Variants in PSD3 observed in about 807,000 individuals in gnomAD.
PSD3 encodes PH and SEC7 domain-containing protein 3.
PSD3 carries 49 observed loss-of-function variants against 105.5 expected under a neutral mutation model. The ratio of observed to expected loss-of-function variants is 0.46; its 90% CI spans 0.37 to 0.59. The LOEUF (loss-of-function observed/expected upper bound fraction) is 0.59. PSD3 is among the 20% of genes least tolerant of loss of function. The pLI, the probability that PSD3 is intolerant of heterozygous loss-of-function variation, is 0.00. For synonymous variants in PSD3, 557 were observed against 457.8 expected, an observed-to-expected ratio of 1.22 and a Z score of -2.77; for missense variants, 1,561 against 1,263.8, an observed-to-expected ratio of 1.24 and a Z score of -3.57.
At chr8:18,848,704 AG>A (rs1815319072) in intron 4 of PSD3, among the ~76,000 whole-genome samples, 1 of 152,194 alleles carries the variant, frequency 6.6e-6, no homozygotes, top group Admixed American at 6.5e-5. Flanking sequence ...TCTCCTTTAA[AG>A]AAAGAAATTA....
intron 1 of PSD3, among the ~76,000 whole-genome samples, chr8:18,967,520 C>G (rs1824351147): frequency 6.6e-6 from 1 of 152,138 alleles, no homozygotes; most frequent in African/African-American, 2.4e-5. Flanking sequence ...AACATCAAAG[C>G]TACCTATTGA....
At chr8:19,076,110 A>AG (rs61172175) in intron 1 of PSD3, among the ~76,000 whole-genome samples, 2 of 151,866 alleles carry the variant, frequency 1.3e-5, no homozygotes, top group African/African-American at 2.4e-5. Flanking sequence ...CTCAATAAAA[A>AG]TACGGTGGAA....
At chr8:18,920,500 T>C (rs1820938564) in intron 2 of PSD3, among the ~76,000 whole-genome samples, 1 of 152,230 alleles carries the variant, frequency 6.6e-6, no homozygotes, top group Non-Finnish European at 1.5e-5. Context: ...TTGGATGTGA[T>C]ACTTTGAAAT....
At chr8:18,742,461 T>C (rs941951503) in intron 9 of PSD3, among the ~76,000 whole-genome samples, 1 of 152,126 alleles carries the variant, frequency 6.6e-6, no homozygotes, top group Non-Finnish European at 1.5e-5. Flanking sequence ...TTTATAATCG[T>C]GAAACAAACT....
intron 2 of PSD3, among the ~76,000 whole-genome samples, chr8:18,874,656 T>C (rs925917471): frequency 6.9e-6 from 1 of 145,854 alleles, no homozygotes; most frequent in African/African-American, 2.6e-5. Flanking sequence ...TGAGCCGAGA[T>C]TGCACCATTG....
chr8:18,912,542 T>C (rs752981814), intron 2 of PSD3, among the ~76,000 whole-genome samples: 13 of 152,312 alleles, frequency 8.5e-5, no homozygotes, highest in Non-Finnish European at 1.9e-4. Context: ...TTTAATTAGG[T>C]GAAAATCTAA....
chr8:18,565,016 T>G (rs1362444493), intron 14 of PSD3, among the ~76,000 whole-genome samples: 13 of 152,144 alleles, frequency 8.5e-5, no homozygotes, highest in Non-Finnish European at 1.5e-4. Flanking sequence ...GGGGCACCAT[T>G]CTCTAAAGAA....
At chr8:18,593,641 T>G (rs1160469164) in intron 12 of PSD3, among the ~76,000 whole-genome samples, 1 of 152,076 alleles carries the variant, frequency 6.6e-6, no homozygotes, top group Non-Finnish European at 1.5e-5. Flanking sequence ...CCCAAAGGAT[T>G]ATAAATCATG....
chr8:18,876,482 G>C (rs1230576487), intron 2 of PSD3, among the ~76,000 whole-genome samples: 4 of 152,080 alleles, frequency 2.6e-5, no homozygotes, highest in Non-Finnish European at 5.9e-5. Flanking sequence ...GACCTCCTGG[G>C]CTCAAGCCAT....
chr8:18,584,991 A>G (rs896148569), intron 12 of PSD3, among the ~76,000 whole-genome samples: 27 of 152,250 alleles, frequency 1.8e-4, no homozygotes, highest in Admixed American at 1.1e-3. Context: ...AAGTCATGTC[A>G]TATATATAAT....
At chr8:18,563,634 G>A (rs1801539832) in intron 14 of PSD3, among the ~76,000 whole-genome samples, 1 of 152,084 alleles carries the variant, frequency 6.6e-6, no homozygotes, top group Non-Finnish European at 1.5e-5. Context: ...ATGAGTATAA[G>A]CAAAATAGCT....
intron 11 of PSD3, among the ~76,000 whole-genome samples, chr8:18,617,529 C>T (rs183595708): frequency 1.3e-5 from 2 of 152,274 alleles, no homozygotes; most frequent in Non-Finnish European, 2.9e-5. Flanking sequence ...GAAACTCCAT[C>T]TCAAAAACAA....
intron 9 of PSD3, among the ~76,000 whole-genome samples, chr8:18,750,228 C>T (rs1805360144): frequency 1.3e-5 from 2 of 152,212 alleles, no homozygotes; most frequent in East Asian, 3.9e-4. Flanking sequence ...AGAATGAAGC[C>T]GCGGACCCTC....
intron 1 of PSD3, among the ~76,000 whole-genome samples, chr8:19,003,347 A>G (rs1210903757): frequency 6.6e-6 from 1 of 151,708 alleles, no homozygotes; most frequent in Non-Finnish European, 1.5e-5. Context: ...TAGTCACTAC[A>G]CTCCAGCCTG....
At chr8:19,055,076 G>A (rs1015451001) in intron 1 of PSD3, among the ~76,000 whole-genome samples, 1 of 152,072 alleles carries the variant, frequency 6.6e-6, no homozygotes, top group African/African-American at 2.4e-5. Flanking sequence ...TCCTCTACTT[G>A]ATCTCTCTTC....
intron 2 of PSD3, chr8:18,924,722 T>C (rs1349863966): frequency 6.6e-6 from 1 of 152,210 alleles, no homozygotes; most frequent in Non-Finnish European, 1.5e-5. Context: ...TCCGTGTGTA[T>C]GGTGAGGCGT....
rs188710047 is a variant in PSD3, at chr8:18,766,284, A to G, written c.2083-746T>C. ...AGGAGGCAGAGGTTGCAGTGAGTCG[A>G]GACTGCACTACTACACTCCAGCCTG... On this transcript the variant is annotated intron_variant, in intron 8 of 15. Transcript: ENST00000327040. Among the ~76,000 whole-genome samples, 9 of 152,326 alleles carry G rather than the reference A, an allele frequency of 5.9e-5. No homozygotes were observed. The East Asian group carries it at 1.7e-3, about 29-fold the overall frequency.
intron 9 of PSD3, among the ~76,000 whole-genome samples, chr8:18,739,703 T>C (rs1353484432): frequency 6.6e-5 from 10 of 152,294 alleles, no homozygotes; most frequent in Middle Eastern, 3.4e-3. Context: ...ATTGTATATA[T>C]TTGAGGATAC....
At chr8:18,812,547 T>G (rs1352712501) in intron 4 of PSD3, among the ~76,000 whole-genome samples, 1 of 151,978 alleles carries the variant, frequency 6.6e-6, no homozygotes, top group Admixed American at 6.6e-5. Context: ...GGGCTATAGG[T>G]CCCGGAGGAC....
Sources: allele counts gnomAD v4.1 joint callset (sites outside exome capture counted in the v4.1 genomes callset), GRCh38; gene constraint gnomAD v4.1.1; transcripts MANE v1.5; gene names NCBI Gene and HGNC (gene_info 2026-07-23, HGNC 2026-07-21).